The following PTPRD variants were observed in gnomAD, a reference collection of about 807,000 sequenced individuals.
The protein encoded by PTPRD is receptor-type tyrosine-protein phosphatase delta.
A neutral mutation model predicts 214.5 loss-of-function variants in PTPRD; 34 were observed. That is an observed-to-expected ratio of 0.16 (90% CI 0.12 to 0.21). The LOEUF is 0.21. Among genes scored for constraint, PTPRD ranks in the 10% least tolerant of loss-of-function variants. PTPRD has a pLI of 1.00. For synonymous variants in PTPRD, 1,128 were observed against 845.7 expected, an observed-to-expected ratio of 1.33 and a Z score of -5.79; for missense variants, 2,545 against 2,398.7, an observed-to-expected ratio of 1.06 and a Z score of -1.27.
chr9:10,557,981 G>A (rs1325999460), intron 2 of PTPRD, among the ~76,000 whole-genome samples: 3 of 152,108 alleles, frequency 2.0e-5, no homozygotes, highest in African/African-American at 7.2e-5. Context: ...TGCTCTGTTG[G>A]AATCTTGTTG....
chr9:8,708,694 A>C (rs1227602459), intron 12 of PTPRD, among the ~76,000 whole-genome samples: 2 of 148,030 alleles, frequency 1.4e-5, no homozygotes, highest in African/African-American at 2.4e-5. Context: ...AAAAAAAAAA[A>C]AAAAAAAAAA....
intron 2 of PTPRD, among the ~76,000 whole-genome samples, chr9:10,425,107 AAG>A (rs2098600348): frequency 6.6e-6 from 1 of 152,016 alleles, no homozygotes; most frequent in East Asian, 1.9e-4. Context: ...GGATTTTAAT[AAG>A]AGTCTTGGTG....
At chr9:9,252,651 T>C (rs935709362) in intron 9 of PTPRD, among the ~76,000 whole-genome samples, 7 of 152,022 alleles carry the variant, frequency 4.6e-5, no homozygotes, top group Non-Finnish European at 8.8e-5. Context: ...TGGCAATTTA[T>C]TTTTATTTTT....
chr9:9,635,614 G>A (rs2095740904), intron 7 of PTPRD, among the ~76,000 whole-genome samples: 1 of 152,134 alleles, frequency 6.6e-6, no homozygotes, highest in South Asian at 2.1e-4. Flanking sequence ...CAGTACTCCT[G>A]TAACCTGTCA....
At chr9:8,358,485 T>C (rs2077523720) in intron 39 of PTPRD, among the ~76,000 whole-genome samples, 1 of 152,224 alleles carries the variant, frequency 6.6e-6, no homozygotes, top group Admixed American at 6.5e-5. Context: ...ACTCTGGCTC[T>C]TCCACCTGCA....
chr9:10,492,564 G>A (rs1042677726), intron 2 of PTPRD, among the ~76,000 whole-genome samples: 61 of 152,128 alleles, frequency 4.0e-4, no homozygotes, highest in African/African-American at 1.3e-3. Context: ...GGGGTTATTT[G>A]TCTTTTTCTT....
chr9:9,957,414 A>G (rs6477427), intron 4 of PTPRD, among the ~76,000 whole-genome samples: 60,298 of 151,898 alleles, frequency 0.4, 12,995 homozygotes, highest in East Asian at 0.92. Flanking sequence ...TTAATGTTTC[A>G]AAGGAAAAAA....
At chr9:9,247,063 T>C (rs1307133761) in intron 9 of PTPRD, among the ~76,000 whole-genome samples, 1 of 152,024 alleles carries the variant, frequency 6.6e-6, no homozygotes, top group Non-Finnish European at 1.5e-5. Context: ...AAAATTCCTT[T>C]TCCCCAAAGC....
chr9:9,656,387 A>G (rs1263917644), intron 7 of PTPRD, among the ~76,000 whole-genome samples: 1 of 152,186 alleles, frequency 6.6e-6, no homozygotes, highest in Non-Finnish European at 1.5e-5. Context: ...TAAATGTACA[A>G]ATACACTGAT....
chr9:10,466,657 G>C (rs1303022692), intron 2 of PTPRD, among the ~76,000 whole-genome samples: 1 of 120,388 alleles, frequency 8.3e-6, no homozygotes, highest in Non-Finnish European at 1.7e-5. Flanking sequence ...AAAAAGAAAA[G>C]AAATTTTATA....
chr9:10,556,123 T>C (rs2062530360), intron 2 of PTPRD, among the ~76,000 whole-genome samples: 1 of 152,056 alleles, frequency 6.6e-6, no homozygotes, highest in South Asian at 2.1e-4. Flanking sequence ...GAGACTGCAA[T>C]CAGTATTTGC....
chr9:10,113,021 C>T lies in PTPRD; in HGVS notation c.-544-79231G>A, dbSNP rs1035618457. Among the ~76,000 whole-genome samples, 35 of 152,308 alleles carry T rather than the reference C, an allele frequency of 2.3e-4. No individual in the cohort carries two copies. In the Middle Eastern group the frequency reaches 0.01, roughly 44 times the overall value. On this transcript the variant is annotated intron_variant, in intron 3 of 45. Coordinates refer to ENST00000381196, the MANE Select transcript of PTPRD (RefSeq NM_002839.4). ...ACACAGGAAGGCTTGACTCTGCCAA[C>T]GCCAACCATCATCTGGGTTATAGTG...
chr9:10,558,830 CA>C (rs1049249672), intron 2 of PTPRD, among the ~76,000 whole-genome samples: 2 of 151,960 alleles, frequency 1.3e-5, no homozygotes, highest in African/African-American at 4.8e-5. Flanking sequence ...TACTAAAAAC[CA>C]AAACAAAGCA....
intron 14 of PTPRD, among the ~76,000 whole-genome samples, chr9:8,549,472 A>G (rs1402584078): frequency 6.6e-6 from 1 of 152,234 alleles, no homozygotes; most frequent in African/African-American, 2.4e-5. Context: ...TGAGAAGAGT[A>G]TGGGAAACAG....
chr9:9,514,766 C>A (rs2096793506), intron 8 of PTPRD, among the ~76,000 whole-genome samples: 1 of 152,018 alleles, frequency 6.6e-6, no homozygotes. Flanking sequence ...GACTGTTCCT[C>A]CTGACCGATG....
At chr9:9,293,097 A>C (rs1228993921) in intron 9 of PTPRD, among the ~76,000 whole-genome samples, 3 of 151,532 alleles carry the variant, frequency 2.0e-5, no homozygotes, top group Non-Finnish European at 3.0e-5. Context: ...TGCACATCCC[A>C]TATGGAAGTG....
intron 9 of PTPRD, among the ~76,000 whole-genome samples, chr9:9,308,910 G>C (rs1957987471): frequency 2.0e-5 from 3 of 152,052 alleles, no homozygotes; most frequent in Admixed American, 2.0e-4. Context: ...TTAAAGCAGA[G>C]TCTTCAAACT....
chr9:9,214,906 C>T lies in PTPRD; in HGVS notation c.-202-31543G>A, dbSNP rs114404627. Among the ~76,000 whole-genome samples, 785 of 152,210 alleles carry T rather than the reference C, an allele frequency of 5.2e-3. 7 individuals carry two copies. Among genetic ancestry groups the T allele is most frequent in the African/African-American group, 0.018 (748 of 41,518 alleles). On this transcript the variant is annotated intron_variant, in intron 9 of 45. Transcript: ENST00000381196. ...GCCCAGAGATGTTAAGTAACGTAAT[C>T]GAGATAACACAGTTGTACAATGGAA... is the stretch of plus-strand genomic sequence containing the variant.
At chr9:8,765,574 G>A (rs896238904) in intron 11 of PTPRD, among the ~76,000 whole-genome samples, 1 of 152,178 alleles carries the variant, frequency 6.6e-6, no homozygotes, top group Non-Finnish European at 1.5e-5. Flanking sequence ...CCCCAGCCTA[G>A]CCTTGAGATG....
Sources: gnomAD v4.1 joint callset for allele counts (sites outside exome capture counted in the v4.1 genomes callset) on GRCh38, gnomAD v4.1.1 for gene constraint, MANE v1.5 for transcripts, NCBI Gene and HGNC (gene_info 2026-07-23, HGNC 2026-07-21) for gene names.